The following MIER2 variants were observed in gnomAD, a reference collection of about 807,000 sequenced individuals.
MIER2 encodes the protein MIER family member 2, also known as mesoderm induction early response protein 2.
A neutral mutation model predicts 67.6 loss-of-function variants in MIER2; 30 were observed. That is an observed-to-expected ratio of 0.44 (90% CI 0.33 to 0.60). The LOEUF (loss-of-function observed/expected upper bound fraction) is 0.60, where lower values mean the gene tolerates loss of function less well. Ranked by LOEUF, MIER2 falls within the 20% of genes least tolerant of loss-of-function variation. The pLI, the probability that MIER2 is intolerant of heterozygous loss-of-function variation, is 0.02. For synonymous variants in MIER2, 372 were observed against 312.6 expected, an observed-to-expected ratio of 1.19 and a Z score of -2.00; for missense variants, 702 against 745.1, an observed-to-expected ratio of 0.94 and a Z score of 0.67.
intron 2 of MIER2, 90 bp from the exon 3 acceptor site, chr19:334,632 G>A: frequency 6.6e-7 from 1 of 1,515,698 alleles, no homozygotes; most frequent in Non-Finnish European, 8.8e-7. Flanking sequence ...GAAGCCCTAA[G>A]GATGAGGCCC....
intron 1 of MIER2, 189 bp downstream of exon 1, chr19:344,585 C>CT: frequency 7.5e-6 from 1 of 133,684 alleles, no homozygotes; most frequent in Non-Finnish European, 8.2e-6. Flanking sequence ...GGGGTGGGGG[C>CT]CGGCCGGGGG....
At position 327,960 on chromosome 19, in the gene MIER2, A is replaced by C. The variant is rs375594713; in HGVS notation, c.273T>G (p.Leu91=). Residue 91 remains leucine, a synonymous_variant, in exon 4 of 14, where the codon CTT becomes CTG. Transcript: ENST00000264819. ...CTGACGCCTCGTAGCCATAGAGCGC[A>C]AGCAGCTCATCAAAGGGCATGTCGT... ...QSNDMPFDEL[L]ALYGYEASDP... is the part of the protein sequence containing the mutation. The C allele has an allele frequency of 4.9e-5, 79 of 1,613,200 alleles. No homozygotes were observed. In the African/African-American group the frequency reaches 9.7e-4, roughly 20 times the overall value.
intron 3 of MIER2, among the ~76,000 whole-genome samples, chr19:329,508 G>A (rs1040452939): frequency 2.0e-5 from 3 of 152,144 alleles, no homozygotes; most frequent in Non-Finnish European, 4.4e-5. Context: ...AGTGCCCGTG[G>A]AAGCTGCAGC....
chr19:321,921 T>C (rs543879543), intron 7 of MIER2, among the ~76,000 whole-genome samples: 6 of 152,254 alleles, frequency 3.9e-5, no homozygotes, highest in South Asian at 2.1e-4. Flanking sequence ...TTTTTTATTT[T>C]TGAGACAGAG....
Position 306,662 on chromosome 19 carries a change from G to T in MIER2, c.*28C>A. 1.3e-6 allele frequency: 2 copies of T among 1,552,314 alleles called. No individual in the cohort carries two copies. Among genetic ancestry groups the T allele is most frequent in the Non-Finnish European group, 1.7e-6 (2 of 1,147,606 alleles). On this transcript the variant is annotated 3_prime_UTR_variant, in exon 14 of 14. Transcript: ENST00000264819. The stretch of plus-strand genomic sequence containing the variant: ...CAGCGGCAGCGCTAAGTCCAGTCTG[G>T]GCCGCATACGCCGCCCGCGGCCAGG...
Position 307,327 on chromosome 19 carries a change from G to A in MIER2, c.1408C>T (p.Leu470=), listed in dbSNP as rs1175978625. Residue 470 remains leucine (L), a synonymous_variant, in exon 13 of 14, where the codon CTG becomes TTG. Coordinates refer to ENST00000264819, the MANE Select transcript of MIER2 (RefSeq NM_017550.3). The part of the protein sequence containing the change: ...TAPEPDASPR[L]AVDFALPKEL... ...TTGGGCAGGGCGAAGTCCACGGCCA[G>A]CCTTGGGCTGGCGTCTGGCTCCGGA... 1 of 1,602,872 alleles carries A rather than the reference G, an allele frequency of 6.2e-7. No homozygotes were observed. Among genetic ancestry groups the A allele is most frequent in the Admixed American group, 1.7e-5 (1 of 57,994 alleles).
chr19:338,900 A>G (rs920582636), intron 1 of MIER2, among the ~76,000 whole-genome samples: 2 of 152,216 alleles, frequency 1.3e-5, no homozygotes, highest in Admixed American at 6.5e-5. Flanking sequence ...TGCAAAAATT[A>G]CCTCAAAATG....
chr19:344,232 G>A lies in MIER2; in HGVS notation c.9+542C>T, dbSNP rs545024699. 79 of 985,246 alleles carry A rather than the reference G, an allele frequency of 8.0e-5. No individual in the cohort carries two copies. The African/African-American group carries it at 1.3e-3, about 16-fold the overall frequency. 61.0% of individuals were successfully genotyped at this position (985,246 alleles called of 1,614,324 possible). On this transcript the variant is annotated intron_variant, in intron 1 of 13. Coordinates refer to ENST00000264819, the MANE Select transcript of MIER2 (RefSeq NM_017550.3). ...AGTTCGCGCCAGGCGGGTCCGCGTC[G>A]GGAGTTCAAATCCCGCCCGGGGTCT...
chr19:320,337 G>A (rs750372611), intron 7 of MIER2, among the ~76,000 whole-genome samples: 13 of 151,842 alleles, frequency 8.6e-5, no homozygotes, highest in South Asian at 4.1e-4. Flanking sequence ...CCAAGATTGC[G>A]CCACGGCACT....
intron 7 of MIER2, among the ~76,000 whole-genome samples, chr19:316,297 ATTT>A (rs112050180): frequency 6.7e-6 from 1 of 148,264 alleles, no homozygotes; most frequent in African/African-American, 2.5e-5. Flanking sequence ...TGATATGTAG[ATTT>A]TTTTTTTTTG....
chr19:341,500 A>T (rs60721162), intron 1 of MIER2, among the ~76,000 whole-genome samples: 2 of 152,020 alleles, frequency 1.3e-5, no homozygotes, highest in Non-Finnish European at 2.9e-5. Context: ...GGGATCCCCA[A>T]GTTCATTTCC....
intron 1 of MIER2, among the ~76,000 whole-genome samples, chr19:338,954 C>T (rs576969515): frequency 4.5e-4 from 68 of 151,852 alleles, no homozygotes; most frequent in Non-Finnish European, 8.2e-4. Flanking sequence ...CACAACTTTT[C>T]GGAGAAAATA....
chr19:316,396 G>A (rs1407162413), intron 7 of MIER2, among the ~76,000 whole-genome samples: 3 of 151,960 alleles, frequency 2.0e-5, no homozygotes, highest in Admixed American at 1.3e-4. Flanking sequence ...GGGTTCAAGC[G>A]ATTCTCCTGC....
At chr19:315,624 C>A (rs1437742175) in intron 7 of MIER2, among the ~76,000 whole-genome samples, 1 of 152,140 alleles carries the variant, frequency 6.6e-6, no homozygotes, top group Non-Finnish European at 1.5e-5. Context: ...GCACAAAACA[C>A]AATTAGTGGA....
At chr19:333,997 G>C (rs1045900309) in intron 3 of MIER2, 24 of 166,228 alleles carry the variant, frequency 1.4e-4, no homozygotes, top group Middle Eastern at 3.0e-3. Flanking sequence ...CGACAATTTT[G>C]TATTCTTAGT....
At chr19:323,913 G>A (rs906007787) in intron 7 of MIER2, among the ~76,000 whole-genome samples, 4 of 142,154 alleles carry the variant, frequency 2.8e-5, no homozygotes, top group Non-Finnish European at 1.5e-5. Context: ...ACGACTCGAA[G>A]GACATAGGCG....
chr19:343,218 C>A (rs1600185191), intron 1 of MIER2, among the ~76,000 whole-genome samples: 1 of 152,234 alleles, frequency 6.6e-6, no homozygotes, highest in Non-Finnish European at 1.5e-5. Flanking sequence ...GGCAGAACAG[C>A]CACATGGCAG....
intron 5 of MIER2, 170 bp downstream of exon 5, chr19:326,963 G>A (rs763313301): frequency 1.2e-5 from 11 of 885,484 alleles, no homozygotes; most frequent in African/African-American, 1.7e-5. Flanking sequence ...TCACTGGCCA[G>A]CGTGGAGGAG....
chr19:335,728 C>T (rs1255279406), intron 2 of MIER2, among the ~76,000 whole-genome samples: 1 of 152,178 alleles, frequency 6.6e-6, no homozygotes, highest in East Asian at 1.9e-4. Flanking sequence ...TGTCTCGCCG[C>T]CCTCCACCTT....
Sources: gnomAD v4.1 joint callset for allele counts (sites outside exome capture counted in the v4.1 genomes callset) on GRCh38, gnomAD v4.1.1 for gene constraint, MANE v1.5 for transcripts, NCBI Gene and HGNC (gene_info 2026-07-23, HGNC 2026-07-21) for gene names.